MECR: variants seen among roughly 807,000 people sequenced by gnomAD.
MECR encodes the protein mitochondrial trans-2-enoyl-CoA reductase, also known as enoyl-[acyl-carrier-protein] reductase, mitochondrial.
MECR carries 37 observed loss-of-function variants against 49.1 expected under a neutral mutation model. That is an observed-to-expected ratio of 0.75 (90% CI 0.58 to 0.99). MECR has a LOEUF of 0.99. MECR is among the 50% of genes least tolerant of loss of function. MECR has a pLI of 0.00. For missense variants in MECR, 470 were observed against 479.6 expected (o/e 0.98, Z 0.19); for synonymous variants, 198 against 191.1 (o/e 1.04, Z -0.30).
At chr1:29,212,966 G>A (rs1345201121) in intron 3 of MECR, among the ~76,000 whole-genome samples, 1 of 152,112 alleles carries the variant, frequency 6.6e-6, no homozygotes, top group Non-Finnish European at 1.5e-5. Flanking sequence ...CTGTGCCTGG[G>A]AAGCCCCTCC....
intron 2 of MECR, 55 bp from the exon 3 acceptor site, chr1:29,216,191 C>A: frequency 6.2e-7 from 1 of 1,604,786 alleles, no homozygotes; most frequent in Non-Finnish European, 8.5e-7. Flanking sequence ...AGTGAAAGAG[C>A]ATGGACTTGA....
chr1:29,220,246 C>CA (rs1680452407), intron 1 of MECR, among the ~76,000 whole-genome samples: 1 of 128,134 alleles, frequency 7.8e-6, no homozygotes, highest in Admixed American at 8.2e-5. Context: ...AAAAAAAATA[C>CA]AAAAATTAGC....
the MECR span, among the ~76,000 whole-genome samples, chr1:29,174,758 C>A: frequency 2.7e-5 from 4 of 149,808 alleles, no homozygotes; most frequent in Non-Finnish European, 3.0e-5. Context: ...ATTGCAACCT[C>A]CACTTCCTGG....
At chr1:29,185,826 CA>C in the MECR span, among the ~76,000 whole-genome samples, 37 of 151,958 alleles carry the variant, frequency 2.4e-4, no homozygotes, top group African/African-American at 8.7e-4. Flanking sequence ...GAAAAAACAA[CA>C]AAAAAAATTA....
At chr1:29,217,675 G>A (rs1466641375) in intron 1 of MECR, among the ~76,000 whole-genome samples, 2 of 152,154 alleles carry the variant, frequency 1.3e-5, no homozygotes, top group East Asian at 3.9e-4. Context: ...TCCAGATGAG[G>A]GCACCCCAAG....
chr1:29,223,125 T>C (rs1681173325), intron 1 of MECR: 2 of 985,264 alleles, frequency 2.0e-6, no homozygotes, highest in Admixed American at 1.2e-4. Flanking sequence ...AGATCTCAAA[T>C]TGCTTCCCCC....
the MECR span, among the ~76,000 whole-genome samples, chr1:29,177,232 T>C: frequency 6.6e-6 from 1 of 151,630 alleles, no homozygotes; most frequent in Non-Finnish European, 1.5e-5. Context: ...GTTGCTTCCT[T>C]GACGTGCATC....
intron 3 of MECR, among the ~76,000 whole-genome samples, chr1:29,210,499 G>A (rs920612530): frequency 5.9e-5 from 9 of 152,072 alleles, no homozygotes; most frequent in East Asian, 1.9e-4. Flanking sequence ...GTACTCTACC[G>A]TGCACCAAAT....
chr1:29,219,704 A>G (rs1004216082), intron 1 of MECR, among the ~76,000 whole-genome samples: 13 of 152,226 alleles, frequency 8.5e-5, no homozygotes, highest in South Asian at 6.2e-4. Flanking sequence ...TACATACCCA[A>G]TGGGGGCTGT....
chr1:29,186,951 TTC>T, the MECR span, among the ~76,000 whole-genome samples: 1 of 152,228 alleles, frequency 6.6e-6, no homozygotes, highest in Non-Finnish European at 1.5e-5. Context: ...AATCTCTTTT[TTC>T]TCTTTCATAA....
chr1:29,195,486 T>C (rs1025804162), intron 9 of MECR, among the ~76,000 whole-genome samples: 1 of 152,214 alleles, frequency 6.6e-6, no homozygotes, highest in Non-Finnish European at 1.5e-5. Flanking sequence ...TTGGGCACGC[T>C]ACTTAACCAC....
intron 1 of MECR, among the ~76,000 whole-genome samples, chr1:29,219,944 T>C (rs1321240986): frequency 6.6e-6 from 1 of 152,236 alleles, no homozygotes; most frequent in East Asian, 1.9e-4. Context: ...CTCTTTTTAC[T>C]TATCACCTAG....
At chr1:29,171,623 A>G in the MECR span, 1 of 152,052 alleles carries the variant, frequency 6.6e-6, no homozygotes, top group Admixed American at 6.6e-5. Context: ...TTTCAGTGTT[A>G]GCTTACAAAT....
At chr1:29,196,512 C>T (rs986244727) in intron 7 of MECR, among the ~76,000 whole-genome samples, 5 of 151,954 alleles carry the variant, frequency 3.3e-5, no homozygotes, top group African/African-American at 1.2e-4. Flanking sequence ...CAAAAGGAGA[C>T]CCCATCTCTA....
intron 3 of MECR, among the ~76,000 whole-genome samples, chr1:29,213,069 T>G (rs945443302): frequency 1.3e-5 from 2 of 152,272 alleles, no homozygotes; most frequent in African/African-American, 4.8e-5. Context: ...CTTTCCAAGA[T>G]AGAGGACTCT....
At chr1:29,223,305 G>A (rs12740801) in intron 1 of MECR, 1 of 985,168 alleles carries the variant, frequency 1.0e-6, no homozygotes, top group Non-Finnish European at 1.2e-6. Context: ...GCAGGCAGAA[G>A]AAAGAGCCTT....
At position 29,194,123 on chromosome 1, in the gene MECR, T is replaced by A. The variant is rs1380272335; in HGVS notation, c.1021A>T (p.Thr341Ser). 7 of 1,614,022 alleles carry A rather than the reference T, an allele frequency of 4.3e-6. No individual in the cohort carries two copies. The highest frequency in any genetic ancestry group is 5.1e-6 in the Non-Finnish European group (6 of 1,180,008). Residue 341 changes from threonine (T) to serine (S), a missense_variant, in exon 10 of 10, where the codon ACA becomes TCA. Physicochemically the swap from Thr to Ser is moderately conservative, Grantham distance 58. Transcript: ENST00000263702. ...LCDLIRRGQL[T>S]APACSQVPLQ... ...GGGACCTGGGAGCAGGCAGGGGCTG[T>A]GAGCTGGCCTCGGCGGATGAGATCG...
At position 29,203,241 on chromosome 1, in the gene MECR, G is replaced by T. The variant is rs780633959; in HGVS notation, c.551-8C>A. On this transcript the variant is annotated splice_polypyrimidine_tract_variant and splice_region_variant and intron_variant, in intron 4 of 9. Coordinates refer to ENST00000263702, the MANE Select transcript of MECR (RefSeq NM_016011.5). ...TCTGGATGACAGAATCCCCTGTGGA[G>T]CCAGGAAGAGAACCAAATCAAGCCC... The T allele has an allele frequency of 2.6e-6, 4 of 1,563,490 alleles. No homozygotes were observed. Among genetic ancestry groups the T allele is most frequent in the Non-Finnish European group, 3.5e-6 (4 of 1,149,256 alleles).
the MECR span, among the ~76,000 whole-genome samples, chr1:29,180,905 C>G: frequency 1.3e-5 from 2 of 152,194 alleles, no homozygotes; most frequent in Non-Finnish European, 2.9e-5. Flanking sequence ...CAGATACTAG[C>G]CAGGGTGGCC....
Sources: allele counts gnomAD v4.1 joint callset (sites outside exome capture counted in the v4.1 genomes callset), GRCh38; gene constraint gnomAD v4.1.1; transcripts MANE v1.5; gene names NCBI Gene and HGNC (gene_info 2026-07-23, HGNC 2026-07-21).